C5orf47: variants seen among roughly 807,000 people sequenced by gnomAD.
C5orf47 encodes the protein uncharacterized protein C5orf47.
In C5orf47, 20 loss-of-function variants were observed where a neutral mutation model predicts 20.6. The ratio of observed to expected loss-of-function variants is 0.97; its 90% CI spans 0.68 to 1.41. The LOEUF (loss-of-function observed/expected upper bound fraction) is 1.41. Among genes scored for constraint, C5orf47 ranks in the 40% most tolerant of loss-of-function variants. C5orf47 has a pLI of 0.00. For missense variants in C5orf47, 262 were observed against 238.4 expected, an observed-to-expected ratio of 1.10 and a Z score of -0.65; for synonymous variants, 106 against 97.3, an observed-to-expected ratio of 1.09 and a Z score of -0.53.
intron 1 of C5orf47, among the ~76,000 whole-genome samples, chr5:173,992,131 C>T (rs939241355): frequency 2.6e-4 from 40 of 152,010 alleles, no homozygotes; most frequent in Non-Finnish European, 2.9e-5. Flanking sequence ...CATTTTCTTG[C>T]GTTTTAATGG....
intron 2 of C5orf47, among the ~76,000 whole-genome samples, chr5:173,999,086 A>C (rs1759150164): frequency 6.6e-6 from 1 of 152,158 alleles, no homozygotes; most frequent in Non-Finnish European, 1.5e-5. Context: ...CATATGTATT[A>C]AATATTTTTT....
At chr5:174,007,519 T>C (rs1759310112), downstream of C5orf47, among the ~76,000 whole-genome samples, 1 of 152,084 alleles carries the variant, frequency 6.6e-6, no homozygotes, top group African/African-American at 2.4e-5. Context: ...AGACAGTATT[T>C]ACTTAAGGTT....
rs1389485413 is a variant in C5orf47, at chr5:173,989,582, C to T, written c.319C>T (p.Arg107Cys). 12 of 1,440,742 alleles carry T rather than the reference C, an allele frequency of 8.3e-6. No individual in the cohort carries two copies. Among genetic ancestry groups the T allele is most frequent in the Non-Finnish European group, 1.0e-5 (11 of 1,096,256 alleles). 89.2% of individuals were successfully genotyped at this position (1,440,742 alleles called of 1,614,324 possible). A position where few individuals can be genotyped will look rare whatever the true frequency, so the allele number is the denominator to read the frequency against. Residue 107 changes from arginine (R) to cysteine (C), a missense_variant, in exon 1 of 5, where the codon CGT (arginine) becomes TGT (cysteine). Physicochemically the swap from Arg to Cys is radical, Grantham distance 180. Coordinates refer to ENST00000340147, the MANE Select transcript of C5orf47 (RefSeq NM_001144954.2). ...TCAGAGCGGCACCAGACAGTCGGCG[C>T]GTGCAGGTGGTGCAGCGGGGCAGGG... ...RVQSGTRQSA[R>C]AGLIQKDAAK...
At chr5:173,996,229 A>AACAGTGATGACAGTGATG (rs1759095609) in intron 1 of C5orf47, among the ~76,000 whole-genome samples, 1 of 152,180 alleles carries the variant, frequency 6.6e-6, no homozygotes, top group African/African-American at 2.4e-5. Context: ...GATTAGGAAG[A>AACAGTGATGACAGTGATG]ACGACTGGGT....
At chr5:174,006,907 A>G (rs1016040089), downstream of C5orf47, among the ~76,000 whole-genome samples, 5 of 152,212 alleles carry the variant, frequency 3.3e-5, no homozygotes, top group African/African-American at 1.2e-4. Context: ...GTATGAAGCC[A>G]TTCTTCCCAA....
chr5:173,990,056 C>T (rs775329592), intron 1 of C5orf47, among the ~76,000 whole-genome samples: 3 of 151,814 alleles, frequency 2.0e-5, no homozygotes, highest in Non-Finnish European at 2.9e-5. Flanking sequence ...ATTTAATCTT[C>T]TTTGCTGTTG....
At chr5:173,995,218 C>A (rs1288266930) in intron 1 of C5orf47, among the ~76,000 whole-genome samples, 2 of 152,200 alleles carry the variant, frequency 1.3e-5, no homozygotes, top group African/African-American at 4.8e-5. Flanking sequence ...ATCGTGTGAG[C>A]ACTAGGTCAG....
intron 1 of C5orf47, 22 bp downstream of exon 1, chr5:173,989,610 G>GGACCGGGCGC (rs1561645430): frequency 7.1e-7 from 1 of 1,402,356 alleles, no homozygotes. Flanking sequence ...GGGCAGGGCG[G>GGACCGGGCGC]GACCGGGCGC....
downstream of C5orf47, among the ~76,000 whole-genome samples, chr5:174,008,513 C>T (rs1759325983): frequency 6.6e-6 from 1 of 152,196 alleles, no homozygotes; most frequent in African/African-American, 2.4e-5. Flanking sequence ...ATGCTGTCCA[C>T]AGCATAGAAT....
intron 1 of C5orf47, among the ~76,000 whole-genome samples, chr5:173,996,797 G>A (rs955715921): frequency 6.6e-6 from 1 of 152,170 alleles, no homozygotes; most frequent in African/African-American, 2.4e-5. Context: ...TAGGTTGTCT[G>A]CTGAGAGTTG....
At chr5:173,993,112 A>G (rs17076744) in intron 1 of C5orf47, among the ~76,000 whole-genome samples, 21,364 of 152,096 alleles carry the variant, frequency 0.14, 2,089 homozygotes, top group African/African-American at 0.28. Context: ...TGGTCACGTC[A>G]GCTCTTTTGA....
intron 1 of C5orf47, among the ~76,000 whole-genome samples, chr5:173,991,532 G>A (rs1402434544): frequency 6.6e-6 from 1 of 151,338 alleles, no homozygotes; most frequent in Non-Finnish European, 1.5e-5. Context: ...TCATGAATGG[G>A]TGTTGATTTT....
At chr5:173,992,992 GTCTGTC>G in intron 1 of C5orf47, among the ~76,000 whole-genome samples, 1 of 152,184 alleles carries the variant, frequency 6.6e-6, no homozygotes, top group South Asian at 2.1e-4. Flanking sequence ...TCTGTGTTGT[GTCTGTC>G]TCTTTAAATT....
intron 1 of C5orf47, among the ~76,000 whole-genome samples, chr5:173,996,109 G>A (rs965782233): frequency 6.6e-6 from 1 of 152,220 alleles, no homozygotes; most frequent in African/African-American, 2.4e-5. Flanking sequence ...AATCAGGGAA[G>A]GCTTTATGAT....
downstream of C5orf47, among the ~76,000 whole-genome samples, chr5:174,006,747 G>T (rs1400146013): frequency 6.6e-6 from 1 of 152,180 alleles, no homozygotes; most frequent in Non-Finnish European, 1.5e-5. Flanking sequence ...GCCGAGTTAG[G>T]TGGTGGTATG....
intron 1 of C5orf47, among the ~76,000 whole-genome samples, chr5:173,995,432 A>T (rs1759072220): frequency 6.6e-6 from 1 of 152,218 alleles, no homozygotes; most frequent in South Asian, 2.1e-4. Context: ...GGGACAGTAG[A>T]GGTTATGAAG....
intron 4 of C5orf47, among the ~76,000 whole-genome samples, 166 bp downstream of exon 4, chr5:174,001,397 T>A (rs1353831409): frequency 6.6e-6 from 1 of 152,148 alleles, no homozygotes; most frequent in African/African-American, 2.4e-5. Context: ...TTATAATACT[T>A]ACTGACCTTT....
chr5:173,999,956 T>C (rs569628800), intron 3 of C5orf47, among the ~76,000 whole-genome samples, 157 bp downstream of exon 3: 106 of 152,018 alleles, frequency 7.0e-4, no homozygotes, highest in Non-Finnish European at 1.3e-3. Flanking sequence ...TCATCATAAT[T>C]AGAAGTACAG....
At chr5:174,000,307 C>T (rs771655654) in intron 3 of C5orf47, among the ~76,000 whole-genome samples, 2 of 151,970 alleles carry the variant, frequency 1.3e-5, no homozygotes, top group African/African-American at 2.4e-5. Flanking sequence ...TGAATTAAAC[C>T]GTGCTCTAAA....
Sources: allele counts gnomAD v4.1 joint callset (sites outside exome capture counted in the v4.1 genomes callset), GRCh38; gene constraint gnomAD v4.1.1; transcripts MANE v1.5; gene names NCBI Gene and HGNC (gene_info 2026-07-23, HGNC 2026-07-21).